Variants in SNX5 observed in about 807,000 individuals in gnomAD.
The protein encoded by SNX5 is sorting nexin-5.
SNX5 carries 31 observed loss-of-function variants against 53.9 expected under a neutral mutation model. That is an observed-to-expected ratio of 0.58 (90% CI 0.43 to 0.78). The LOEUF (loss-of-function observed/expected upper bound fraction) is 0.78. Among genes scored for constraint, SNX5 ranks in the 30% least tolerant of loss-of-function variants. The probability of loss-of-function intolerance (pLI) is 0.00; values close to 1 mark genes in which losing one functional copy is unlikely to be tolerated. For synonymous variants in SNX5, 168 were observed against 171.1 expected, an observed-to-expected ratio of 0.98 and a Z score of 0.14; for missense variants, 471 against 478.8, an observed-to-expected ratio of 0.98 and a Z score of 0.15.
At chr20:17,953,758 A>G (rs2035305869) in intron 4 of SNX5, among the ~76,000 whole-genome samples, 1 of 152,222 alleles carries the variant, frequency 6.6e-6, no homozygotes, top group Non-Finnish European at 1.5e-5. Context: ...ATATGGGAAA[A>G]GACAACTACT....
intron 10 of SNX5, among the ~76,000 whole-genome samples, 157 bp from the exon 11 acceptor site, chr20:17,947,802 G>A (rs1600334586): frequency 6.6e-6 from 1 of 152,230 alleles, no homozygotes; most frequent in Non-Finnish European, 1.5e-5. Context: ...TCGCAGGGAT[G>A]AGCAATGCTG....
rs1342249736 is a variant in SNX5, at chr20:17,959,915, C to CCT, written c.52-2880_52-2879dup. 2.6e-5 allele frequency among the ~76,000 whole-genome samples: 4 copies of CCT among 152,246 alleles called. No homozygotes were observed. The South Asian group carries it at 8.3e-4, about 32-fold the overall frequency. ...CTCACTTGCCTCTGCCTCCATCCCC[C>CCT]CTTAAGCTTGAAGGGCTCAGAGTAC... On this transcript the variant is annotated intron_variant, in intron 1 of 12. Transcript: ENST00000377759.
Position 17,968,691 on chromosome 20 carries a change from G to A in SNX5, c.-266C>T, listed in dbSNP as rs1456140533. On this transcript the variant is annotated 5_prime_UTR_variant, in exon 1 of 13. Coordinates refer to ENST00000377759, the MANE Select transcript of SNX5 (RefSeq NM_014426.4). ...TTGGAGCCGGGCAAAGACGCCACGT[G>A]GGGCCTACCCTTGCTCCGCTCCACG... 1 of 561,720 alleles carries A rather than the reference G, an allele frequency of 1.8e-6. No individual in the cohort carries two copies. The highest frequency in any genetic ancestry group is 3.2e-6 in the Non-Finnish European group (1 of 308,150). The allele number at this position is 561,720 out of a possible 1,614,324, so 34.8% of individuals were successfully genotyped here.
chr20:17,968,719 G>A lies in SNX5; in HGVS notation c.-294C>T, dbSNP rs1568602486. 1 of 441,850 alleles carries A rather than the reference G, an allele frequency of 2.3e-6. No homozygotes were observed. Among genetic ancestry groups the A allele is most frequent in the Middle Eastern group, 6.2e-4 (1 of 1,626 alleles). 27.4% of individuals were successfully genotyped at this position (441,850 alleles called of 1,614,324 possible). A position where few individuals can be genotyped will look rare whatever the true frequency, so the allele number is the denominator to read the frequency against. On this transcript the variant is annotated 5_prime_UTR_variant, in exon 1 of 13. Transcript: ENST00000377759. ...GCCTACCCTTGCTCCGCTCCACGAG[G>A]AGGCCGCCAACCGCAGGGCCGCGAC...
At chr20:17,944,295 A>G (rs1195872180) in intron 11 of SNX5, 2 of 152,222 alleles carry the variant, frequency 1.3e-5, no homozygotes, top group African/African-American at 2.4e-5. Context: ...TCAATAATAT[A>G]TATTGAAACA....
At chr20:17,948,832 T>G in intron 10 of SNX5, 58 bp downstream of exon 10, 2 of 1,417,298 alleles carry the variant, frequency 1.4e-6, no homozygotes, top group South Asian at 2.4e-5. Context: ...TAAAGAAACT[T>G]TTTAAACAGA....
intron 11 of SNX5, chr20:17,944,775 G>A (rs1034635973): frequency 3.3e-5 from 5 of 152,194 alleles, no homozygotes; most frequent in Non-Finnish European, 7.3e-5. Context: ...TCGATCTCCT[G>A]ACCTCGTGAT....
At chr20:17,956,690 A>AC (rs1568594101) in intron 2 of SNX5, among the ~76,000 whole-genome samples, 4 of 145,130 alleles carry the variant, frequency 2.8e-5, no homozygotes, top group African/African-American at 5.2e-5. Context: ...AAAAAAAAAA[A>AC]AAAAAAAAAA....
intron 1 of SNX5, chr20:17,961,019 G>T: frequency 2.1e-6 from 1 of 477,074 alleles, no homozygotes; most frequent in Non-Finnish European, 2.7e-6. Context: ...AAACAAGCAC[G>T]GCTTCATTTG....
rs59621613 is a variant in SNX5 at position 17,958,002 on chromosome 20, C to CAAAA, written c.52-969_52-966dup. ...ACTACCTAACTCCATTTCTGCCCGT[C>CAAAA]AAAAAAAAAAAAAAAAAAAAGAGAG... On this transcript the variant is annotated intron_variant, in intron 1 of 12. Transcript: ENST00000377759. 7.0e-4 allele frequency among the ~76,000 whole-genome samples: 75 copies of CAAAA among 107,682 alleles called. 1 individual carries two copies. Among genetic ancestry groups the CAAAA allele is most frequent in the East Asian group, 1.5e-3 (6 of 3,876 alleles). The allele number at this position is 107,682 out of a possible 152,430, so 70.6% of individuals were successfully genotyped here. A position where few individuals can be genotyped will look rare whatever the true frequency, so the allele number is the denominator to read the frequency against.
In SNX5 at chr20:17,947,643, ATCCTGGG is replaced by A. The variant is rs1223414529; in HGVS notation, c.919-5_920del. 3 of 1,608,178 alleles carry A rather than the reference ATCCTGGG, an allele frequency of 1.9e-6. No homozygotes were observed. The highest frequency in any genetic ancestry group is 1.1e-5 in the South Asian group (1 of 89,994). On this transcript the variant is annotated splice_acceptor_variant and splice_polypyrimidine_tract_variant and coding_sequence_variant and intron_variant, in exon 11 of 13. Coordinates refer to ENST00000377759, the MANE Select transcript of SNX5 (RefSeq NM_014426.4). LOFTEE classifies it high-confidence loss of function. ...GGGCTTTGGTGCGTCTGTATAAGAG[ATCCTGGG>A]AAAAAAATTAACAGGTATACATACT...
rs1367074751 is a variant in SNX5 at position 17,968,476 on chromosome 20, A to G, written c.-51T>C. On this transcript the variant is annotated 5_prime_UTR_variant, in exon 1 of 13. Coordinates refer to ENST00000377759, the MANE Select transcript of SNX5 (RefSeq NM_014426.4). The stretch of plus-strand genomic sequence containing the variant: ...CGCCTGGCTGTGCGAGGAAAGAAGA[A>G]GCTGGGCCGCCGCCGCCGCCGCCTG... The G allele has an allele frequency of 4.7e-6, 6 of 1,280,490 alleles. No homozygotes were observed. The highest frequency in any genetic ancestry group is 4.0e-6 in the Non-Finnish European group (4 of 1,009,830). The allele number at this position is 1,280,490 out of a possible 1,614,324, so 79.3% of individuals were successfully genotyped here.
chr20:17,961,777 C>CT (rs1198001568), intron 1 of SNX5: 2 of 985,354 alleles, frequency 2.0e-6, no homozygotes, highest in East Asian at 1.1e-4. Context: ...GCCTAAGAAA[C>CT]TAAGATTTTG....
At chr20:17,962,820 TA>T (rs746959405) in intron 1 of SNX5, 21 of 519,178 alleles carry the variant, frequency 4.0e-5, no homozygotes, top group Admixed American at 9.7e-5. Flanking sequence ...CAGTTCACAG[TA>T]GAACACTGCA....
At chr20:17,957,432 CAAAA>C (rs11476332) in intron 1 of SNX5, among the ~76,000 whole-genome samples, 2 of 119,054 alleles carry the variant, frequency 1.7e-5, no homozygotes, top group African/African-American at 3.3e-5. Flanking sequence ...GAAACTGTCT[CAAAA>C]AAAAAAAAAA....
rs763375417 is a variant in SNX5, at chr20:17,968,501, G to T, written c.-76C>A. On this transcript the variant is annotated 5_prime_UTR_variant, in exon 1 of 13. Coordinates refer to ENST00000377759, the MANE Select transcript of SNX5 (RefSeq NM_014426.4). ...AGCTGGGCCGCCGCCGCCGCCGCCTGGGCGCCTCTCGGGGGCGGCCACGGC... is the reference window on the plus strand; with the variant it reads ...AGCTGGGCCGCCGCCGCCGCCGCCTTGGCGCCTCTCGGGGGCGGCCACGGC... The T allele has an allele frequency of 4.0e-6, 5 of 1,264,528 alleles. No homozygotes were observed. Among genetic ancestry groups the T allele is most frequent in the Non-Finnish European group, 5.0e-6 (5 of 995,596 alleles). 78.3% of individuals were successfully genotyped at this position (1,264,528 alleles called of 1,614,324 possible).
intron 1 of SNX5, among the ~76,000 whole-genome samples, chr20:17,967,485 AG>A (rs2035565794): frequency 6.6e-6 from 1 of 152,186 alleles, no homozygotes; most frequent in Non-Finnish European, 1.5e-5. Context: ...TTCTCTATGG[AG>A]GTGCCTTTAA....
intron 2 of SNX5, among the ~76,000 whole-genome samples, chr20:17,955,701 A>G (rs897323426): frequency 1.3e-5 from 2 of 152,256 alleles, no homozygotes; most frequent in African/African-American, 2.4e-5. Context: ...TGTAATGAAT[A>G]TCCCATCAGA....
In SNX5 at chr20:17,942,307, A is replaced by G; in HGVS notation, c.*50T>C. 8.3e-7 allele frequency: 1 copy of G among 1,205,930 alleles called. No homozygotes were observed. The highest frequency in any genetic ancestry group is 1.2e-6 in the Non-Finnish European group (1 of 808,218). The allele number at this position is 1,205,930 out of a possible 1,614,324, so 74.7% of individuals were successfully genotyped here. A position where few individuals can be genotyped will look rare whatever the true frequency, so the allele number is the denominator to read the frequency against. ...CGTGGTAATGATTTAAGTGCAAGTGATGCTTGGCTTTCTTTCACATTCATT... is the reference window on the plus strand; with the variant it reads ...CGTGGTAATGATTTAAGTGCAAGTGGTGCTTGGCTTTCTTTCACATTCATT... On this transcript the variant is annotated 3_prime_UTR_variant, in exon 13 of 13. Coordinates refer to ENST00000377759, the MANE Select transcript of SNX5 (RefSeq NM_014426.4).
Sources: gnomAD v4.1 joint callset for allele counts (sites outside exome capture counted in the v4.1 genomes callset) on GRCh38, gnomAD v4.1.1 for gene constraint, MANE v1.5 for transcripts, NCBI Gene and HGNC (gene_info 2026-07-23, HGNC 2026-07-21) for gene names.